The following KLHL7 variants were observed in gnomAD, a reference collection of about 807,000 sequenced individuals.
KLHL7 encodes kelch like family member 7.
Under a neutral mutation model 67.4 loss-of-function variants are expected in KLHL7, and 44 were observed. That is an observed-to-expected ratio of 0.65 (90% confidence interval 0.51 to 0.84). KLHL7 has a LOEUF of 0.84. Among genes scored for constraint, KLHL7 ranks in the 40% least tolerant of loss-of-function variants. KLHL7 has a pLI of 0.00. For synonymous variants in KLHL7, 252 were observed against 243.3 expected, an observed-to-expected ratio of 1.04 and a Z score of -0.33; for missense variants, 362 against 718.1, an observed-to-expected ratio of 0.50 and a Z score of 5.67.
At chr7:23,116,179 T>A (rs1362545650) in intron 1 of KLHL7, among the ~76,000 whole-genome samples, 1 of 152,230 alleles carries the variant, frequency 6.6e-6, no homozygotes, top group African/African-American at 2.4e-5. Context: ...GATCCTGTCA[T>A]GCTGTGAAAT....
chr7:23,128,135 GAAA>G, intron 4 of KLHL7, among the ~76,000 whole-genome samples: 1 of 134,292 alleles, frequency 7.4e-6, no homozygotes, highest in African/African-American at 2.7e-5. Context: ...TCTGTCTCAA[GAAA>G]AAAAAAAAAA....
intron 1 of KLHL7, among the ~76,000 whole-genome samples, chr7:23,110,739 A>G (rs1284917300): frequency 1.3e-5 from 2 of 148,154 alleles, no homozygotes; most frequent in African/African-American, 4.9e-5. Context: ...AGTATTAGGT[A>G]TATCTCCTAA....
At chr7:23,114,039 T>G (rs1782989299) in intron 1 of KLHL7, among the ~76,000 whole-genome samples, 1 of 152,228 alleles carries the variant, frequency 6.6e-6, no homozygotes. Context: ...CTACCTCACT[T>G]CCTCACTTTG....
intron 6 of KLHL7, among the ~76,000 whole-genome samples, chr7:23,151,080 A>G (rs950609637): frequency 2.0e-5 from 3 of 150,144 alleles, no homozygotes; most frequent in African/African-American, 7.3e-5. Flanking sequence ...AAAATTTCAT[A>G]TAGTTAAGTC....
intron 6 of KLHL7, among the ~76,000 whole-genome samples, chr7:23,147,370 G>A (rs1406674586): frequency 2.0e-5 from 3 of 152,152 alleles, no homozygotes; most frequent in Non-Finnish European, 4.4e-5. Flanking sequence ...GATTACAGGT[G>A]TGAGCCACCA....
At chr7:23,167,089 A>G (rs1419435908) in intron 8 of KLHL7, among the ~76,000 whole-genome samples, 3 of 151,970 alleles carry the variant, frequency 2.0e-5, no homozygotes, top group Non-Finnish European at 4.4e-5. Flanking sequence ...GAATGGTGGG[A>G]GATGAGAAAT....
chr7:23,141,824 C>T (rs900366508), intron 5 of KLHL7, among the ~76,000 whole-genome samples: 1 of 152,074 alleles, frequency 6.6e-6, no homozygotes, highest in Admixed American at 6.6e-5. Flanking sequence ...GGGGTTTCAC[C>T]GTGTTAGCCA....
At position 23,173,014 on chromosome 7, in the gene KLHL7, G is replaced by T; in HGVS notation, c.1446G>T (p.Lys482Asn). 6.2e-7 allele frequency: 1 copy of T among 1,613,720 alleles called. No homozygotes were observed. Among genetic ancestry groups the T allele is most frequent in the South Asian group, 1.1e-5 (1 of 91,074 alleles). Residue 482 changes from lysine to asparagine, a missense_variant, in exon 10 of 11, where the codon AAG (lysine) becomes AAT (asparagine). This residue lies in a region of KLHL7 where 136 missense variants were observed against 252.7 expected (regional missense o/e 0.54). Coordinates refer to ENST00000339077, the MANE Select transcript of KLHL7 (RefSeq NM_001031710.3). ...KNHGLVFVKD[K>N]IFAVGGQNGL... ...ATGGGCTGGTATTTGTAAAAGACAA[G>T]ATATTTGCTGTGGGTGGTCAGAATG...
At chr7:23,119,747 TTTAA>T (rs1010879272) in intron 1 of KLHL7, among the ~76,000 whole-genome samples, 3 of 152,184 alleles carry the variant, frequency 2.0e-5, no homozygotes, top group South Asian at 4.1e-4. Context: ...TTTCTCAATA[TTTAA>T]TTATTTTGTT....
At chr7:23,124,178 G>A (rs377055814) in intron 2 of KLHL7, among the ~76,000 whole-genome samples, 42 of 102,566 alleles carry the variant, frequency 4.1e-4, no homozygotes, top group African/African-American at 1.6e-3. Context: ...GCGTCAGAGC[G>A]AGACTCTGTC....
intron 5 of KLHL7, among the ~76,000 whole-genome samples, 169 bp from the exon 6 acceptor site, chr7:23,143,682 C>A (rs1784265823): frequency 6.6e-6 from 1 of 152,056 alleles, no homozygotes; most frequent in Non-Finnish European, 1.5e-5. Flanking sequence ...CTCACTAGAG[C>A]AGTATGTAAG....
chr7:23,116,638 A>G (rs755926695), intron 1 of KLHL7, among the ~76,000 whole-genome samples: 24 of 152,194 alleles, frequency 1.6e-4, no homozygotes, highest in Non-Finnish European at 3.2e-4. Context: ...CCTTTCCTAC[A>G]GAACTTCCCC....
Position 23,165,700 on chromosome 7 carries a change from T to A in KLHL7, c.939T>A (p.Asp313Glu). 1 of 1,614,142 alleles carries A rather than the reference T, an allele frequency of 6.2e-7. No individual in the cohort carries two copies. Among genetic ancestry groups the A allele is most frequent in the Non-Finnish European group, 8.5e-7 (1 of 1,179,992 alleles). Residue 313 changes from aspartate to glutamate, a missense_variant and splice_region_variant, in exon 8 of 11, where the codon GAT becomes GAA. Physicochemically the swap from Asp to Glu is conservative, Grantham distance 45 (BLOSUM62 2). Transcript: ENST00000339077. ...CTTCCCATCCTTTTCTGCTACAGGA[T>A]TATAGCTGGACAGACATCCGCTGCC... is the stretch of plus-strand genomic sequence containing the variant. ...PQSCRYFNPK[D>E]YSWTDIRCPF... is the part of the protein sequence containing the mutation.
intron 7 of KLHL7, among the ~76,000 whole-genome samples, chr7:23,159,670 TA>T (rs936383595): frequency 3.9e-5 from 6 of 152,088 alleles, no homozygotes; most frequent in Non-Finnish European, 8.8e-5. Context: ...TAGTTGGAAC[TA>T]CAGGCACATG....
At chr7:23,119,743 A>G (rs1178507725) in intron 1 of KLHL7, among the ~76,000 whole-genome samples, 2 of 151,720 alleles carry the variant, frequency 1.3e-5, no homozygotes, top group Non-Finnish European at 2.9e-5. Flanking sequence ...TTTGTTTCTC[A>G]ATATTTAATT....
chr7:23,125,632 C>G, intron 4 of KLHL7: 1 of 1,136,080 alleles, frequency 8.8e-7, no homozygotes, highest in Non-Finnish European at 1.2e-6. Context: ...ACCTTGCTGC[C>G]TCCCCACATT....
intron 1 of KLHL7, among the ~76,000 whole-genome samples, chr7:23,111,153 G>A (rs1323302246): frequency 6.6e-6 from 1 of 152,168 alleles, no homozygotes; most frequent in Admixed American, 6.5e-5. Context: ...ATATGGGTGG[G>A]TAATTTGACC....
intron 1 of KLHL7, among the ~76,000 whole-genome samples, chr7:23,109,807 A>G (rs543334838): frequency 6.6e-6 from 1 of 152,304 alleles, no homozygotes; most frequent in Non-Finnish European, 1.5e-5. Context: ...GCTTTGTCTC[A>G]TTTAATTCTC....
rs1473375820 is a variant in KLHL7, at chr7:23,168,113, G to A, written c.1379+76G>A. ...CTGTAGGAGATGTCAAAAGACCAGA[G>A]GAACCCAACAGAAGAATTTTGTCCT... On this transcript the variant is annotated intron_variant, in intron 9 of 10. Coordinates refer to ENST00000339077, the MANE Select transcript of KLHL7 (RefSeq NM_001031710.3). 4 of 1,394,446 alleles carry A rather than the reference G, an allele frequency of 2.9e-6. No homozygotes were observed. In the East Asian group the frequency reaches 7.0e-5, roughly 24 times the overall value. The allele number at this position is 1,394,446 out of a possible 1,614,324, so 86.4% of individuals were successfully genotyped here.
Sources: gnomAD v4.1 joint callset for allele counts (sites outside exome capture counted in the v4.1 genomes callset) on GRCh38, gnomAD v4.1.1 for gene constraint, gnomAD v4.1.1 regional missense constraint, MANE v1.5 for transcripts, NCBI Gene and HGNC (gene_info 2026-07-23, HGNC 2026-07-21) for gene names.